Variants in CFAP74 observed in about 807,000 individuals in gnomAD.
CFAP74 encodes the protein cilia and flagella associated protein 74, also known as cilia- and flagella-associated protein 74.
In CFAP74, 124 loss-of-function variants were observed where a neutral mutation model predicts 188.9. The observed-to-expected ratio is 0.66, with a 90% CI of 0.57 to 0.76. The LOEUF (loss-of-function observed/expected upper bound fraction) is 0.76. Among genes scored for constraint, CFAP74 ranks in the 30% least tolerant of loss-of-function variants. CFAP74 has a pLI of 0.00. For missense variants in CFAP74, 2,198 were observed against 2,165.2 expected (o/e 1.02, Z -0.30); for synonymous variants, 956 against 916.7 (o/e 1.04, Z -0.77).
intron 6 of CFAP74, 33 bp downstream of exon 6, chr1:1,985,353 C>T (rs545602822): frequency 3.2e-6 from 5 of 1,564,988 alleles, no homozygotes; most frequent in Non-Finnish European, 4.4e-6. Context: ...CTGGGGCCTG[C>T]CTGCTGCCAG....
intron 6 of CFAP74, among the ~76,000 whole-genome samples, chr1:1,979,166 CAA>C: frequency 2.7e-5 from 2 of 73,230 alleles, no homozygotes; most frequent in Admixed American, 1.3e-4. Context: ...CATCATGTGA[CAA>C]GGCTGCACAG....
chr1:1,923,177 G>T lies in CFAP74; in HGVS notation c.4523-32C>A, dbSNP rs1398873354. The T allele has an allele frequency of 1.3e-6, 2 of 1,583,076 alleles. No homozygotes were observed. Among genetic ancestry groups the T allele is most frequent in the Non-Finnish European group, 1.7e-6 (2 of 1,167,206 alleles). On this transcript the variant is annotated intron_variant, in intron 36 of 38. Transcript: ENST00000682832. The surrounding 1 kb of genome is among the most constrained non-coding windows in gnomAD (Gnocchi z 6.3). ...GGGTGTGGCCAGGGGAGCTGTTCAG[G>T]GTCAGGCTGAGGCATGGGGTGAGGC...
At chr1:1,929,929 G>A (rs1477358324) in intron 26 of CFAP74, 131 bp downstream of exon 26, 1 of 1,089,174 alleles carries the variant, frequency 9.2e-7, no homozygotes, top group African/African-American at 1.6e-5. Context: ...CTGAGGGTCA[G>A]GTTCACTCCC....
chr1:1,927,646 GGGA>G lies in CFAP74; in HGVS notation c.3485_3487del (p.Val1162_Pro1163delinsAla). 6.5e-7 allele frequency: 1 copy of G among 1,550,178 alleles called. No homozygotes were observed. Among genetic ancestry groups the G allele is most frequent in the Non-Finnish European group, 8.7e-7 (1 of 1,146,864 alleles). On this transcript the variant is annotated inframe_deletion, in exon 28 of 39. Coordinates refer to ENST00000682832, the MANE Select transcript of CFAP74 (RefSeq NM_001304360.2). Reference sequence around the variant, plus strand: ...CCGCTTCCGCATCTCCAGGACGTGGGGGACAGAGACTTTGAACAGCTTGTCGCG... The same window carrying G: ...CCGCTTCCGCATCTCCAGGACGTGGGCAGAGACTTTGAACAGCTTGTCGCG...
intron 18 of CFAP74, among the ~76,000 whole-genome samples, chr1:1,949,422 T>C (rs1184530840): frequency 6.6e-6 from 1 of 152,176 alleles, no homozygotes; most frequent in Admixed American, 6.6e-5. Flanking sequence ...CCCAAAGTGC[T>C]GGGATTACAA....
chr1:1,952,141 T>C (rs1654239013), intron 18 of CFAP74, among the ~76,000 whole-genome samples: 1 of 151,884 alleles, frequency 6.6e-6, no homozygotes, highest in Admixed American at 6.6e-5. Flanking sequence ...TCAGTAGAGA[T>C]GGGGTTTCAC....
rs995467259 is a variant in CFAP74 at position 1,927,021 on chromosome 1, C to T, written c.3535G>A (p.Glu1179Lys). 16 of 1,550,084 alleles carry T rather than the reference C, an allele frequency of 1.0e-5. No individual in the cohort carries two copies. The highest frequency in any genetic ancestry group is 3.9e-5 in the Admixed American group (2 of 50,982). ...AGGGTGGCTCGGGCGGCCTGGTACTCGTCGGAACTAGAAGGAAGTCAGAGG... is the reference window on the plus strand; with the variant it reads ...AGGGTGGCTCGGGCGGCCTGGTACTTGTCGGAACTAGAAGGAAGTCAGAGG... ...RKRELRPSSD[E>K]YQAARATLLR... The change falls in exon 29 of 39, where the codon GAG (glutamate) becomes AAG (lysine). Residue 1179 changes from glutamate to lysine, a missense_variant. Physicochemically the swap from Glu to Lys is moderately conservative, Grantham distance 56. Transcript: ENST00000682832.
chr1:1,985,422 AG>A lies in CFAP74; in HGVS notation c.463del (p.Leu155CysfsTer9). On this transcript the variant is annotated frameshift_variant, in exon 6 of 39. Coordinates refer to ENST00000682832, the MANE Select transcript of CFAP74 (RefSeq NM_001304360.2). LOFTEE classifies it high-confidence loss of function. Reference protein sequence around the residue: ...LFAELENERDLQSRTEAVLKE... With the variant: ...LFAELENERDXQSRTEAVLKE... Reference sequence around the variant, plus strand: ...CAGCACGGCCTCAGTCCTCGACTGCAGGTCTCTCTCGTTCTCCAGCTCTGCA... The same window carrying A: ...CAGCACGGCCTCAGTCCTCGACTGCAGTCTCTCTCGTTCTCCAGCTCTGCA... 1 of 1,614,094 alleles carries A rather than the reference AG, an allele frequency of 6.2e-7. No individual in the cohort carries two copies. The highest frequency in any genetic ancestry group is 8.5e-7 in the Non-Finnish European group (1 of 1,180,032).
intron 1 of CFAP74, among the ~76,000 whole-genome samples, chr1:1,992,027 G>C (rs557104466): frequency 6.0e-4 from 88 of 145,878 alleles, no homozygotes; most frequent in South Asian, 2.1e-3. Context: ...GTGACAGAGC[G>C]AGACTCCGTC....
In CFAP74 at chr1:1,968,362, C is replaced by T. The variant is rs1200311650; in HGVS notation, c.1245+273G>A. ...TGGGCAGCAACACTGCTGGGGGTGA[C>T]GCAGGGTCTGGTGGGCACACCGAGA... On this transcript the variant is annotated intron_variant, in intron 11 of 38. Transcript: ENST00000682832. This position sits in a 1 kb window ranked among gnomAD's most constrained non-coding sequence, Gnocchi z 4.3. Among the ~76,000 whole-genome samples the T allele has an allele frequency of 2.0e-5, 3 of 151,980 alleles. No individual in the cohort carries two copies. The highest frequency in any genetic ancestry group is 6.6e-5 in the Admixed American group (1 of 15,252).
rs1225840031 is a variant in CFAP74, at chr1:1,959,228, C to T, written c.1762-19G>A. 2.0e-6 allele frequency: 3 copies of T among 1,523,844 alleles called. No individual in the cohort carries two copies. The East Asian group carries it at 6.7e-5, about 34-fold the overall frequency. The allele number at this position is 1,523,844 out of a possible 1,614,324, so 94.4% of individuals were successfully genotyped here. On this transcript the variant is annotated intron_variant, in intron 15 of 38. Transcript: ENST00000682832. ...TGTTTATCTAAAACATAAAACAACC[C>T]CCACCACAATACACTTCTGCAACTT...
intron 18 of CFAP74, among the ~76,000 whole-genome samples, chr1:1,948,325 T>C (rs185929812): frequency 6.6e-6 from 1 of 151,858 alleles, no homozygotes; most frequent in African/African-American, 2.4e-5. Context: ...CAGGCTGGAG[T>C]GCAGTGGTGC....
chr1:1,996,312 G>A (rs868465100), intron 1 of CFAP74, among the ~76,000 whole-genome samples: 1 of 152,134 alleles, frequency 6.6e-6, no homozygotes, highest in East Asian at 1.9e-4. Context: ...AGAGAGAGAC[G>A]TCTAAAACAC....
chr1:1,988,452 C>A (rs1558062542), intron 4 of CFAP74, 60 bp downstream of exon 4: 8 of 1,595,294 alleles, frequency 5.0e-6, no homozygotes, highest in African/African-American at 2.7e-5. Flanking sequence ...CTGCTGCACC[C>A]ATGTCACGGC....
At chr1:1,961,660 T>G (rs899529694) in intron 14 of CFAP74, among the ~76,000 whole-genome samples, 3 of 152,046 alleles carry the variant, frequency 2.0e-5, no homozygotes, top group African/African-American at 7.2e-5. Context: ...GCCTTCAGCA[T>G]GACTAGAGGA....
At chr1:1,925,992 G>T in intron 32 of CFAP74, 54 bp from the exon 33 acceptor site, 2 of 1,517,224 alleles carry the variant, frequency 1.3e-6, no homozygotes, top group Non-Finnish European at 1.8e-6. Flanking sequence ...AGCCACGAGG[G>T]GAGCTCTGCC....
chr1:2,002,177 A>G (rs1214218644), intron 1 of CFAP74, among the ~76,000 whole-genome samples: 1 of 152,124 alleles, frequency 6.6e-6, no homozygotes, highest in Non-Finnish European at 1.5e-5. Context: ...AGCATCATGA[A>G]GGCAACTTAC....
intron 23 of CFAP74, among the ~76,000 whole-genome samples, chr1:1,940,061 C>T (rs1653257581): frequency 6.6e-6 from 1 of 152,112 alleles, no homozygotes; most frequent in African/African-American, 2.4e-5. Context: ...GTGTGGGGCA[C>T]CCCTCATGTG....
At chr1:1,966,581 A>G (rs950562542) in intron 11 of CFAP74, 55 bp from the exon 12 acceptor site, 12 of 1,400,234 alleles carry the variant, frequency 8.6e-6, no homozygotes, top group Non-Finnish European at 1.1e-5. Flanking sequence ...AGAACAGGGA[A>G]GAGAAACTCG....
Sources: allele counts gnomAD v4.1 joint callset (sites outside exome capture counted in the v4.1 genomes callset), GRCh38; gene constraint gnomAD v4.1.1; non-coding constraint Gnocchi (gnomAD v3.1); transcripts MANE v1.5; gene names NCBI Gene and HGNC (gene_info 2026-07-23, HGNC 2026-07-21).